KCNT2: variants seen among roughly 807,000 people sequenced by gnomAD.
The protein encoded by KCNT2 is potassium sodium-activated channel subfamily T member 2.
A neutral mutation model predicts 153.8 loss-of-function variants in KCNT2; 67 were observed. The ratio of observed to expected loss-of-function variants is 0.44; its 90% confidence interval spans 0.36 to 0.53. The LOEUF is 0.53. KCNT2 is among the 20% of genes least tolerant of loss of function. The pLI is 0.00. For synonymous variants in KCNT2, 500 were observed against 458.8 expected (o/e 1.09, Z -1.15); for missense variants, 975 against 1,354.8 (o/e 0.72, Z 4.40).
At chr1:196,489,699 AT>A (rs1394111357) in intron 3 of KCNT2, 138 bp downstream of exon 3, 24 of 555,944 alleles carry the variant, frequency 4.3e-5, no homozygotes, top group Middle Eastern at 3.2e-4. Flanking sequence ...GTGCCTGTAA[AT>A]CGATCAATTT....
In KCNT2 at chr1:196,455,417, T is replaced by C. The variant is rs536735377; in HGVS notation, c.638+9876A>G. ...CCGGAAGCTTGAACAAGTTTTTCTT[T>C]GTCTTTGGAGTGAAGTAATTTTAGC... On this transcript the variant is annotated intron_variant, in intron 8 of 27. Coordinates refer to ENST00000294725, the MANE Select transcript of KCNT2 (RefSeq NM_198503.5). Among the ~76,000 whole-genome samples, 28 of 152,104 alleles carry C rather than the reference T, an allele frequency of 1.8e-4. No homozygotes were observed. In the South Asian group the frequency reaches 4.8e-3, roughly 26 times the overall value.
At chr1:196,587,245 A>G (rs963611176) in intron 1 of KCNT2, among the ~76,000 whole-genome samples, 5 of 152,108 alleles carry the variant, frequency 3.3e-5, no homozygotes, top group African/African-American at 1.2e-4. Context: ...CACTGAGCTA[A>G]GGAATTTTCA....
Position 196,326,838 on chromosome 1 carries a change from T to C in KCNT2, c.2155A>G (p.Lys719Glu). ...EDAKAYGFKN[K>E]LIIVAAETAG... is the part of the protein sequence containing the mutation. ...GTTTCAGCTGCAACTATAATTAGTT[T>C]ATTTTTGAATCCATAGGCTTTTGCA... The change falls in exon 19 of 28, where the codon AAA (lysine) becomes GAA (glutamate). Residue 719 changes from lysine (K) to glutamate (E), a missense_variant. By Grantham distance (56) the Lys-to-Glu change is moderately conservative (BLOSUM62 1). Transcript: ENST00000294725. 6.3e-7 allele frequency: 1 copy of C among 1,587,590 alleles called. No individual in the cohort carries two copies. Among genetic ancestry groups the C allele is most frequent in the Non-Finnish European group, 8.5e-7 (1 of 1,171,230 alleles).
intron 17 of KCNT2, among the ~76,000 whole-genome samples, chr1:196,332,658 T>G (rs529536963): frequency 6.6e-6 from 1 of 152,290 alleles, no homozygotes; most frequent in Admixed American, 6.5e-5. Flanking sequence ...TAATACTAAT[T>G]GAACGCTTAC....
chr1:196,493,849 TATC>T (rs1267593277), intron 1 of KCNT2, among the ~76,000 whole-genome samples: 2 of 151,858 alleles, frequency 1.3e-5, no homozygotes, highest in African/African-American at 4.8e-5. Context: ...ATTTCCTCGT[TATC>T]ATATTCTGAC....
At chr1:196,594,204 C>CT (rs1420557974) in intron 1 of KCNT2, among the ~76,000 whole-genome samples, 2 of 152,138 alleles carry the variant, frequency 1.3e-5, no homozygotes, top group Non-Finnish European at 2.9e-5. Flanking sequence ...GTCATTTGAA[C>CT]TGTCACAGTA....
At chr1:196,396,917 C>A (rs1002434894) in intron 13 of KCNT2, among the ~76,000 whole-genome samples, 3 of 151,272 alleles carry the variant, frequency 2.0e-5, no homozygotes, top group Non-Finnish European at 4.4e-5. Context: ...GGAGAAAGAA[C>A]TGAAGCCTGC....
At chr1:196,608,192 C>CA in intron 1 of KCNT2, 23 bp downstream of exon 1, 1 of 1,606,298 alleles carries the variant, frequency 6.2e-7, no homozygotes, top group Non-Finnish European at 8.5e-7. Flanking sequence ...ATTTACAGAA[C>CA]AATCCTCCAC....
chr1:196,565,106 A>T lies in KCNT2; in HGVS notation c.95+43109T>A, dbSNP rs187363986. 6.5e-3 allele frequency among the ~76,000 whole-genome samples: 992 copies of T among 151,902 alleles called. 10 individuals carry two copies. Among genetic ancestry groups the T allele is most frequent in the African/African-American group, 0.023 (951 of 41,498 alleles). ...AACATACAAAATAAATAGAAAAAAA[A>T]ACAAATCAATAGCAAAAAAAAAAAG... is the stretch of plus-strand genomic sequence containing the variant. On this transcript the variant is annotated intron_variant, in intron 1 of 27. Coordinates refer to ENST00000294725, the MANE Select transcript of KCNT2 (RefSeq NM_198503.5).
At position 196,426,070 on chromosome 1, in the gene KCNT2, A is replaced by G. The variant is rs924704660; in HGVS notation, c.985-82T>C. 2.9e-6 allele frequency: 3 copies of G among 1,049,580 alleles called. No homozygotes were observed. The Admixed American group carries it at 7.4e-5, about 26-fold the overall frequency. The allele number at this position is 1,049,580 out of a possible 1,614,324, so 65.0% of individuals were successfully genotyped here. ...CATAGAAAAATAAAATATCTAAGAA[A>G]AATTTGAAATATGATAAAACTGAAA... On this transcript the variant is annotated intron_variant, in intron 10 of 27. Coordinates refer to ENST00000294725, the MANE Select transcript of KCNT2 (RefSeq NM_198503.5).
At position 196,396,628 on chromosome 1, in the gene KCNT2, C is replaced by A. The variant is rs141296617; in HGVS notation, c.1294+1935G>T. Among the ~76,000 whole-genome samples the A allele has an allele frequency of 2.7e-3, 405 of 151,572 alleles. 3 individuals are homozygous for A. The highest frequency in any genetic ancestry group is 9.3e-3 in the African/African-American group (386 of 41,420). On this transcript the variant is annotated intron_variant, in intron 13 of 27. Coordinates refer to ENST00000294725, the MANE Select transcript of KCNT2 (RefSeq NM_198503.5). ...TGAAACTAGGATGCCTTCATCTTTA[C>A]ACAATGTAAAAAGAGATCCTCTGAA... is the stretch of plus-strand genomic sequence containing the variant.
chr1:196,337,481 A>T (rs1665148142), intron 16 of KCNT2, among the ~76,000 whole-genome samples: 1 of 152,044 alleles, frequency 6.6e-6, no homozygotes, highest in African/African-American at 2.4e-5. Context: ...CTGAGAGTAG[A>T]AGCTGCAATC....
intron 1 of KCNT2, among the ~76,000 whole-genome samples, chr1:196,499,195 T>C (rs1680480972): frequency 2.0e-5 from 3 of 152,186 alleles, no homozygotes; most frequent in African/African-American, 2.4e-5. Flanking sequence ...AGAGCATTAG[T>C]AAAGCGCAAG....
intron 5 of KCNT2, among the ~76,000 whole-genome samples, chr1:196,472,788 A>AT (rs1371744374): frequency 6.6e-6 from 1 of 151,996 alleles, no homozygotes; most frequent in African/African-American, 2.4e-5. Flanking sequence ...AGATCTTGAG[A>AT]TTTTCTAGTT....
chr1:196,379,500 A>T (rs988151783), intron 13 of KCNT2, among the ~76,000 whole-genome samples: 1 of 151,330 alleles, frequency 6.6e-6, no homozygotes, highest in Admixed American at 6.6e-5. Flanking sequence ...TGAACTCAGG[A>T]GGTAGTGGCT....
intron 12 of KCNT2, 33 bp downstream of exon 12, chr1:196,423,017 C>A: frequency 7.2e-7 from 1 of 1,395,054 alleles, no homozygotes; most frequent in Non-Finnish European, 9.9e-7. Context: ...AAATGGAAAG[C>A]ACAACTTACT....
At chr1:196,545,691 C>T (rs1375408385) in intron 1 of KCNT2, among the ~76,000 whole-genome samples, 1 of 151,882 alleles carries the variant, frequency 6.6e-6, no homozygotes, top group Non-Finnish European at 1.5e-5. Flanking sequence ...AAATGGTGCA[C>T]CCATTTGCCC....
intron 13 of KCNT2, among the ~76,000 whole-genome samples, chr1:196,377,454 A>G (rs1028443388): frequency 3.3e-5 from 5 of 152,002 alleles, no homozygotes; most frequent in Non-Finnish European, 5.9e-5. Flanking sequence ...ATACTGTAGA[A>G]ATACATCAAT....
intron 13 of KCNT2, among the ~76,000 whole-genome samples, chr1:196,383,190 T>C (rs1558222838): frequency 6.6e-6 from 1 of 152,132 alleles, no homozygotes; most frequent in African/African-American, 2.4e-5. Flanking sequence ...GAAGGGCCAG[T>C]TTTCTTTTTC....
Sources: allele counts gnomAD v4.1 joint callset (sites outside exome capture counted in the v4.1 genomes callset), GRCh38; gene constraint gnomAD v4.1.1; transcripts MANE v1.5; gene names NCBI Gene and HGNC (gene_info 2026-07-23, HGNC 2026-07-21).